Variants in PHF21B observed in about 807,000 individuals in gnomAD.
The protein encoded by PHF21B is PHD finger protein 21B.
PHF21B carries 22 observed loss-of-function variants against 62.2 expected under a neutral mutation model. The ratio of observed to expected loss-of-function variants is 0.35; its 90% CI spans 0.25 to 0.51. PHF21B has a LOEUF of 0.51. Among genes scored for constraint, PHF21B ranks in the 20% least tolerant of loss-of-function variants. The pLI is 0.97. For missense variants in PHF21B, 701 were observed against 707.9 expected (o/e 0.99, Z 0.11); for synonymous variants, 341 against 314.7 (o/e 1.08, Z -0.88).
chr22:44,947,550 A>G (rs543678914), intron 2 of PHF21B, among the ~76,000 whole-genome samples: 33 of 152,312 alleles, frequency 2.2e-4, no homozygotes, highest in African/African-American at 7.5e-4. Context: ...CTCCTGGGAC[A>G]GGCTGGGCCC....
intron 2 of PHF21B, among the ~76,000 whole-genome samples, chr22:44,948,088 GCA>G (rs1439597788): frequency 1.4e-5 from 2 of 145,566 alleles, no homozygotes; most frequent in Admixed American, 1.4e-4. Context: ...AACCTTTTTG[GCA>G]CAGAGACCAG....
chr22:44,938,293 G>A (rs991422324), intron 2 of PHF21B, among the ~76,000 whole-genome samples: 26 of 150,900 alleles, frequency 1.7e-4, no homozygotes, highest in African/African-American at 6.1e-4. Flanking sequence ...GAGTGCAGTG[G>A]CGCGGACTTG....
chr22:44,889,728 G>C (rs765701921), intron 9 of PHF21B, 32 bp downstream of exon 9: 3 of 1,582,048 alleles, frequency 1.9e-6, no homozygotes, highest in African/African-American at 1.4e-5. Flanking sequence ...CTCCACCCCG[G>C]AAGTGTGAAG....
intron 5 of PHF21B, among the ~76,000 whole-genome samples, chr22:44,912,850 G>C (rs1275813507): frequency 9.7e-6 from 1 of 103,148 alleles, no homozygotes; most frequent in African/African-American, 3.9e-5. Flanking sequence ...GTGCACACCA[G>C]CATGGCTCAA....
chr22:44,888,422 C>G (rs911849879), intron 9 of PHF21B, among the ~76,000 whole-genome samples: 3 of 152,142 alleles, frequency 2.0e-5, no homozygotes, highest in Admixed American at 6.5e-5. Flanking sequence ...GTGCTAAGAC[C>G]TGGACCCCAG....
At position 44,943,006 on chromosome 22, in the gene PHF21B, C is replaced by A. The variant is rs529539101; in HGVS notation, c.121-22516G>T. 7.9e-5 allele frequency among the ~76,000 whole-genome samples: 11 copies of A among 139,170 alleles called. No homozygotes were observed. The East Asian group carries it at 1.5e-3, about 19-fold the overall frequency. The allele number at this position is 139,170 out of a possible 152,430, so 91.3% of individuals were successfully genotyped here. The stretch of plus-strand genomic sequence containing the variant: ...CCCAGCAGGGAGGGACCCCCCCCCC[C>A]CCATCCTCAGAAGGGCTGACCAAAG... On this transcript the variant is annotated intron_variant, in intron 2 of 12. Transcript: ENST00000313237.
At chr22:44,890,695 C>T (rs954257003) in intron 8 of PHF21B, among the ~76,000 whole-genome samples, 2 of 152,258 alleles carry the variant, frequency 1.3e-5, no homozygotes, top group African/African-American at 4.8e-5. Context: ...GATGTGGCTC[C>T]CTGAGGTCCT....
intron 2 of PHF21B, among the ~76,000 whole-genome samples, chr22:45,007,123 C>A (rs1276796887): frequency 6.8e-6 from 1 of 147,680 alleles, no homozygotes; most frequent in African/African-American, 2.5e-5. Context: ...GCGGCACCAA[C>A]TGAAAAGGGT....
At chr22:44,956,598 G>A (rs556980731) in intron 2 of PHF21B, among the ~76,000 whole-genome samples, 94 of 152,276 alleles carry the variant, frequency 6.2e-4, no homozygotes, top group South Asian at 4.8e-3. Context: ...CAGAGCTGCC[G>A]AGCTTCCTTC....
rs1056564058 is a variant in PHF21B, at chr22:44,914,078, C to T, written c.575G>A (p.Arg192His). The T allele has an allele frequency of 2.6e-5, 23 of 898,944 alleles. No individual in the cohort carries two copies. Among genetic ancestry groups the T allele is most frequent in the Non-Finnish European group, 3.4e-5 (22 of 639,456 alleles). The allele number at this position is 898,944 out of a possible 1,614,324, so 55.7% of individuals were successfully genotyped here. The change falls in exon 5 of 13, where the codon CGC becomes CAC. Residue 192 changes from arginine to histidine, a missense_variant. Physicochemically the swap from Arg to His is conservative, Grantham distance 29 (BLOSUM62 0). Coordinates refer to ENST00000313237, the MANE Select transcript of PHF21B (RefSeq NM_138415.5). Reference sequence around the variant, plus strand: ...TGCGGGGTGAGGGGAAGAGAGGAGGCGTGGAGGAGGCTGGAGAGCGAGGGT... The same window carrying T: ...TGCGGGGTGAGGGGAAGAGAGGAGGTGTGGAGGAGGCTGGAGAGCGAGGGT... Reference protein sequence around the residue: ...LISADNKPPPRLLSSPHPATH... With the variant: ...LISADNKPPPHLLSSPHPATH...
chr22:44,909,731 A>G (rs2071313002), intron 5 of PHF21B, among the ~76,000 whole-genome samples: 1 of 152,046 alleles, frequency 6.6e-6, no homozygotes, highest in South Asian at 2.1e-4. Context: ...CTCGTGTGCT[A>G]TTGCCTATGC....
chr22:44,956,142 T>C (rs1300210770), intron 2 of PHF21B, among the ~76,000 whole-genome samples: 2 of 152,146 alleles, frequency 1.3e-5, no homozygotes, highest in African/African-American at 4.8e-5. Flanking sequence ...ATGCTCTGTG[T>C]GCTCTGCACA....
At chr22:44,957,172 ACAGC>A (rs2072316959) in intron 2 of PHF21B, among the ~76,000 whole-genome samples, 1 of 152,108 alleles carries the variant, frequency 6.6e-6, no homozygotes, top group African/African-American at 2.4e-5. Flanking sequence ...CTGTGGACCC[ACAGC>A]CTCTGCAGGG....
At chr22:44,926,395 G>T (rs1036428562) in intron 2 of PHF21B, among the ~76,000 whole-genome samples, 3 of 152,238 alleles carry the variant, frequency 2.0e-5, no homozygotes, top group Admixed American at 6.5e-5. Context: ...TCCAATAGGG[G>T]CCAGAGAACA....
Position 44,914,092 on chromosome 22 carries a change from G to A in PHF21B, c.565-4C>T. The stretch of plus-strand genomic sequence containing the variant: ...AAGAGAGGAGGCGTGGAGGAGGCTG[G>A]AGAGCGAGGGTGAGGGGCACAGGGA... On this transcript the variant is annotated splice_region_variant and splice_polypyrimidine_tract_variant and intron_variant, in intron 4 of 12. Coordinates refer to ENST00000313237, the MANE Select transcript of PHF21B (RefSeq NM_138415.5). The A allele has an allele frequency of 1.1e-6, 1 of 911,862 alleles. No individual in the cohort carries two copies. 56.5% of individuals were successfully genotyped at this position (911,862 alleles called of 1,614,324 possible).
intron 2 of PHF21B, among the ~76,000 whole-genome samples, chr22:45,004,278 G>T (rs984902420): frequency 4.6e-5 from 7 of 152,306 alleles, no homozygotes; most frequent in Non-Finnish European, 1.5e-5. Flanking sequence ...TTTTTAAGTA[G>T]ACGCAGTGAA....
intron 2 of PHF21B, among the ~76,000 whole-genome samples, chr22:44,984,688 A>G (rs910800148): frequency 6.6e-6 from 1 of 150,928 alleles, no homozygotes. Flanking sequence ...GTAAGTTATT[A>G]ATTTAATTTG....
At chr22:44,974,803 G>A (rs2072706650) in intron 2 of PHF21B, among the ~76,000 whole-genome samples, 1 of 152,152 alleles carries the variant, frequency 6.6e-6, no homozygotes, top group Non-Finnish European at 1.5e-5. Context: ...AGACCAGGGT[G>A]GTATATGGAG....
chr22:44,946,338 C>T (rs574679558), intron 2 of PHF21B, among the ~76,000 whole-genome samples: 1 of 152,304 alleles, frequency 6.6e-6, no homozygotes, highest in Non-Finnish European at 1.5e-5. Context: ...CCAGCACCTT[C>T]TATGCCCTCC....
Sources: gnomAD v4.1 joint callset for allele counts (sites outside exome capture counted in the v4.1 genomes callset) on GRCh38, gnomAD v4.1.1 for gene constraint, MANE v1.5 for transcripts, NCBI Gene and HGNC (gene_info 2026-07-23, HGNC 2026-07-21) for gene names.